GUCY1A2: variants seen among roughly 807,000 people sequenced by gnomAD.
The protein encoded by GUCY1A2 is guanylate cyclase soluble subunit alpha-2.
A neutral mutation model predicts 63.5 loss-of-function variants in GUCY1A2; 27 were observed. The observed-to-expected ratio is 0.43, with a 90% CI of 0.31 to 0.59. The LOEUF is 0.59. Among genes scored for constraint, GUCY1A2 ranks in the 20% least tolerant of loss-of-function variants. The probability of loss-of-function intolerance (pLI) is 0.11; values close to 1 mark genes in which losing one functional copy is unlikely to be tolerated. For synonymous variants in GUCY1A2, 364 were observed against 343.5 expected (o/e 1.06, Z -0.66); for missense variants, 768 against 913.3 (o/e 0.84, Z 2.05).
At chr11:106,974,106 ATTAAG>A (rs1267354316) in intron 3 of GUCY1A2, among the ~76,000 whole-genome samples, 28 of 152,136 alleles carry the variant, frequency 1.8e-4, no homozygotes, top group Admixed American at 1.4e-3. Context: ...TAGTAACATT[ATTAAG>A]TTATTTCCCC....
intron 6 of GUCY1A2, among the ~76,000 whole-genome samples, chr11:106,749,873 T>C (rs1050758986): frequency 1.3e-5 from 2 of 152,056 alleles, no homozygotes; most frequent in Non-Finnish European, 2.9e-5. Flanking sequence ...CATGTAAACA[T>C]CTAGCACTAA....
At chr11:106,726,926 G>A (rs1863418585) in intron 6 of GUCY1A2, among the ~76,000 whole-genome samples, 1 of 152,194 alleles carries the variant, frequency 6.6e-6, no homozygotes, top group South Asian at 2.1e-4. Flanking sequence ...TTACCAAAGA[G>A]TATGTGGCAT....
intron 2 of GUCY1A2, among the ~76,000 whole-genome samples, chr11:106,982,340 ACTT>A (rs544416081): frequency 1.5e-3 from 226 of 152,232 alleles, no homozygotes; most frequent in African/African-American, 4.8e-3. Context: ...TCTGCTACTG[ACTT>A]CTTCTGCTCC....
chr11:106,933,298 C>T (rs1368646525), intron 4 of GUCY1A2, among the ~76,000 whole-genome samples: 2 of 152,070 alleles, frequency 1.3e-5, no homozygotes, highest in East Asian at 1.9e-4. Context: ...CATGAACAGA[C>T]ATTTCTCAAA....
At position 106,986,063 on chromosome 11, in the gene GUCY1A2, T is replaced by G; in HGVS notation, c.365+7A>C. ...CCCAATAATAACCGAAATCAATTTTTACTTACCCAATAACTTGATGTTCAT... is the reference window on the plus strand; with the variant it reads ...CCCAATAATAACCGAAATCAATTTTGACTTACCCAATAACTTGATGTTCAT... On this transcript the variant is annotated splice_region_variant and intron_variant, in intron 2 of 7. Coordinates refer to ENST00000526355, the MANE Select transcript of GUCY1A2 (RefSeq NM_000855.3). 1 of 1,368,048 alleles carries G rather than the reference T, an allele frequency of 7.3e-7. No homozygotes were observed. Among genetic ancestry groups the G allele is most frequent in the Non-Finnish European group, 1.0e-6 (1 of 955,900 alleles). 84.7% of individuals were successfully genotyped at this position (1,368,048 alleles called of 1,614,324 possible). A position where few individuals can be genotyped will look rare whatever the true frequency, so the allele number is the denominator to read the frequency against.
At chr11:106,793,059 T>C (rs1370686045) in intron 5 of GUCY1A2, among the ~76,000 whole-genome samples, 1 of 151,990 alleles carries the variant, frequency 6.6e-6, no homozygotes, top group East Asian at 1.9e-4. Context: ...AACTACAATA[T>C]CCAAAATAAT....
chr11:106,791,345 G>A (rs1359963514), intron 5 of GUCY1A2, among the ~76,000 whole-genome samples: 1 of 152,208 alleles, frequency 6.6e-6, no homozygotes, highest in Non-Finnish European at 1.5e-5. Context: ...GCTACTACAG[G>A]GGGAATTGGG....
chr11:106,912,392 C>T (rs1176342964), intron 4 of GUCY1A2, among the ~76,000 whole-genome samples: 1 of 151,976 alleles, frequency 6.6e-6, no homozygotes, highest in Non-Finnish European at 1.5e-5. Flanking sequence ...GGAGAAAAGG[C>T]CAAAATTCCA....
intron 6 of GUCY1A2, among the ~76,000 whole-genome samples, chr11:106,709,463 G>A (rs191701635): frequency 1.2e-5 from 1 of 83,828 alleles, no homozygotes; most frequent in African/African-American, 4.7e-5. Flanking sequence ...TATATTTATA[G>A]AATAATATAT....
intron 6 of GUCY1A2, among the ~76,000 whole-genome samples, chr11:106,718,327 T>G (rs1012266448): frequency 2.6e-5 from 4 of 152,126 alleles, no homozygotes; most frequent in African/African-American, 9.7e-5. Flanking sequence ...GGGAAGAAAG[T>G]GGGTTTGTAA....
intron 3 of GUCY1A2, among the ~76,000 whole-genome samples, chr11:106,977,979 G>A (rs775649691): frequency 1.3e-5 from 2 of 152,060 alleles, no homozygotes; most frequent in Non-Finnish European, 2.9e-5. Flanking sequence ...CACACACCAA[G>A]AACGTCAGGT....
intron 6 of GUCY1A2, among the ~76,000 whole-genome samples, chr11:106,716,328 A>T (rs1479512391): frequency 6.6e-6 from 1 of 152,128 alleles, no homozygotes. Flanking sequence ...TTATAGGATG[A>T]TTACTGTCCC....
intron 4 of GUCY1A2, among the ~76,000 whole-genome samples, chr11:106,843,900 C>T (rs1357954109): frequency 6.6e-6 from 1 of 151,782 alleles, no homozygotes; most frequent in Non-Finnish European, 1.5e-5. Context: ...AGGTTGTTGA[C>T]TCTCACCACC....
At chr11:107,016,409 C>T (rs950644555) in intron 1 of GUCY1A2, among the ~76,000 whole-genome samples, 2 of 152,148 alleles carry the variant, frequency 1.3e-5, no homozygotes, top group Non-Finnish European at 2.9e-5. Context: ...CTCCCAGACA[C>T]GGTAAGATTG....
At chr11:106,930,537 T>C (rs1402053491) in intron 4 of GUCY1A2, among the ~76,000 whole-genome samples, 5 of 152,242 alleles carry the variant, frequency 3.3e-5, no homozygotes, top group African/African-American at 9.6e-5. Flanking sequence ...GTAAAGCTAA[T>C]TGTTTCTATC....
chr11:106,926,030 A>G (rs1418341490), intron 4 of GUCY1A2, among the ~76,000 whole-genome samples: 1 of 152,248 alleles, frequency 6.6e-6, no homozygotes, highest in Non-Finnish European at 1.5e-5. Context: ...AAGTAAATAG[A>G]GTGTAAGTAT....
chr11:106,856,237 C>T (rs925208760), intron 4 of GUCY1A2, among the ~76,000 whole-genome samples: 2 of 151,900 alleles, frequency 1.3e-5, no homozygotes, highest in African/African-American at 2.4e-5. Flanking sequence ...TTGCAGTGAG[C>T]TGAGATCATG....
At chr11:106,969,401 T>C (rs1861166372) in intron 3 of GUCY1A2, among the ~76,000 whole-genome samples, 1 of 152,006 alleles carries the variant, frequency 6.6e-6, no homozygotes, top group Non-Finnish European at 1.5e-5. Context: ...GAGTTATGCA[T>C]CAAAGAACAA....
chr11:106,677,176 G>GGGAAGGAAA lies in GUCY1A2; in HGVS notation c.*10364_*10372dup, dbSNP rs1031713979. The GGGAAGGAAA allele has an allele frequency of 1.1e-4, 24 of 221,538 alleles. No individual in the cohort carries two copies. Among genetic ancestry groups the GGGAAGGAAA allele is most frequent in the African/African-American group, 4.5e-4 (20 of 44,520 alleles). 13.7% of individuals were successfully genotyped at this position (221,538 alleles called of 1,614,324 possible). On this transcript the variant is annotated 3_prime_UTR_variant, in exon 8 of 8. Transcript: ENST00000526355. The stretch of plus-strand genomic sequence containing the variant: ...TAGAAAGAAATAAAGCAAAGAGGGA[G>GGGAAGGAAA]GGAAGGAAAGGAAGGAAAGGAAGGA...
Sources: allele counts gnomAD v4.1 joint callset (sites outside exome capture counted in the v4.1 genomes callset), GRCh38; gene constraint gnomAD v4.1.1; transcripts MANE v1.5; gene names NCBI Gene and HGNC (gene_info 2026-07-23, HGNC 2026-07-21).